The following HFE variants were observed in gnomAD, a reference collection of about 807,000 sequenced individuals.
HFE encodes hereditary hemochromatosis protein.
Under a neutral mutation model 40.9 loss-of-function variants are expected in HFE, and 36 were observed. The ratio of observed to expected loss-of-function variants is 0.88; its 90% CI spans 0.67 to 1.16. The LOEUF (loss-of-function observed/expected upper bound fraction) is 1.16. Among genes scored for constraint, HFE ranks in the 50% most tolerant of loss-of-function variants. HFE has a pLI of 0.00. For missense variants in HFE, 376 were observed against 432.0 expected (o/e 0.87, Z 1.15); for synonymous variants, 157 against 165.4 (o/e 0.95, Z 0.39).
At position 26,090,878 on chromosome 6, in the gene HFE, A is replaced by C; in HGVS notation, c.114A>C (p.Ser38=). ...HSLHYLFMGA[S]EQDLGLSLFE... ...TGCACTACCTCTTCATGGGTGCCTC[A>C]GAGCAGGACCTTGGTCTTTCCTTGT... Residue 38 remains serine (S), a synonymous_variant, in exon 2 of 6, where the codon TCA becomes TCC. Coordinates refer to ENST00000357618, the MANE Select transcript of HFE (RefSeq NM_000410.4). 6.2e-7 allele frequency: 1 copy of C among 1,614,118 alleles called. No homozygotes were observed. Among genetic ancestry groups the C allele is most frequent in the Non-Finnish European group, 8.5e-7 (1 of 1,180,022 alleles).
intron 3 of HFE, 70 bp from the exon 4 acceptor site, chr6:26,092,615 G>A: frequency 6.2e-7 from 1 of 1,613,760 alleles, no homozygotes; most frequent in Non-Finnish European, 8.5e-7. Flanking sequence ...ATAGAAGGAA[G>A]TGAAAGTTCC....
intron 1 of HFE, among the ~76,000 whole-genome samples, chr6:26,089,113 G>GCC (rs1561937956): frequency 7.0e-6 from 1 of 143,512 alleles, no homozygotes. Flanking sequence ...GTGTGTGGGG[G>GCC]GGGGGGGCGG....
intron 5 of HFE, 35 bp downstream of exon 5, chr6:26,093,267 T>G: frequency 2.1e-6 from 3 of 1,441,350 alleles, no homozygotes; most frequent in Non-Finnish European, 2.9e-6. Context: ...TCTTAGTACC[T>G]CTGCCCCAGG....
rs868653998 is a variant in HFE, at chr6:26,089,133, G to A, written c.76+1617G>A. On this transcript the variant is annotated intron_variant, in intron 1 of 5. Coordinates refer to ENST00000357618, the MANE Select transcript of HFE (RefSeq NM_000410.4). ...TGGGGGGGGGGGGCGGCGTGGGGGT[G>A]GGAAGGGGGACTACCATCTGCATGT... Among the ~76,000 whole-genome samples, 18 of 139,994 alleles carry A rather than the reference G, an allele frequency of 1.3e-4. 2 individuals carry two copies. The South Asian group carries it at 4.6e-3, about 35-fold the overall frequency. 91.8% of individuals were successfully genotyped at this position (139,994 alleles called of 152,430 possible).
In HFE at chr6:26,092,899, G is replaced by A. The variant is rs1198056767; in HGVS notation, c.831G>A (p.Glu277=). The A allele has an allele frequency of 6.2e-7, 1 of 1,614,096 alleles. No homozygotes were observed. Among genetic ancestry groups the A allele is most frequent in the Non-Finnish European group, 8.5e-7 (1 of 1,180,046 alleles). ...WITLAVPPGE[E]QRYTCQVEHP... The stretch of plus-strand genomic sequence containing the variant: ...CCTTGGCTGTACCCCCTGGGGAAGA[G>A]CAGAGATATACGTGCCAGGTGGAGC... Residue 277 remains glutamate (E), a synonymous_variant, in exon 4 of 6, where the codon GAG becomes GAA. Coordinates refer to ENST00000357618, the MANE Select transcript of HFE (RefSeq NM_000410.4).
Position 26,096,294 on chromosome 6 carries a change from C to T in HFE, c.*2068C>T, listed in dbSNP as rs892048380. Reference sequence around the variant, plus strand: ...GATTACAGGCGTGCACCACCATGCCCGGCTAATTTTTGTATTTTTAGTAGA... The same window carrying T: ...GATTACAGGCGTGCACCACCATGCCTGGCTAATTTTTGTATTTTTAGTAGA... On this transcript the variant is annotated 3_prime_UTR_variant, in exon 6 of 6. Coordinates refer to ENST00000357618, the MANE Select transcript of HFE (RefSeq NM_000410.4). 11 of 345,166 alleles carry T rather than the reference C, an allele frequency of 3.2e-5. No homozygotes were observed. Among genetic ancestry groups the T allele is most frequent in the South Asian group, 6.6e-5 (3 of 45,316 alleles). 21.4% of individuals were successfully genotyped at this position (345,166 alleles called of 1,614,324 possible). A position where few individuals can be genotyped will look rare whatever the true frequency, so the allele number is the denominator to read the frequency against.
At chr6:26,092,206 G>C (rs1048817914) in intron 3 of HFE, among the ~76,000 whole-genome samples, 1 of 145,862 alleles carries the variant, frequency 6.9e-6, no homozygotes, top group African/African-American at 2.5e-5. Context: ...AGAGAATTCA[G>C]AGATCTCAGC....
In HFE at chr6:26,091,452, C is replaced by G; in HGVS notation, c.479C>G (p.Pro160Arg). Residue 160 changes from proline (P) to arginine (R), a missense_variant, in exon 3 of 6, where the codon CCC (proline) becomes CGC (arginine). Pro to Arg is a moderately radical substitution (Grantham distance 103). This residue lies in a region of HFE where 200 missense variants were observed against 228.5 expected (regional missense o/e 0.88). Coordinates refer to ENST00000357618, the MANE Select transcript of HFE (RefSeq NM_000410.4). ...ACACTGGATTGGAGAGCAGCAGAAC[C>G]CAGGGCCTGGCCCACCAAGCTGGAG... ...PDTLDWRAAE[P>R]RAWPTKLEWE... 6.2e-7 allele frequency: 1 copy of G among 1,614,118 alleles called. No homozygotes were observed. The highest frequency in any genetic ancestry group is 8.5e-7 in the Non-Finnish European group (1 of 1,180,014).
chr6:26,088,680 C>T (rs942320737), intron 1 of HFE, among the ~76,000 whole-genome samples: 1 of 152,186 alleles, frequency 6.6e-6, no homozygotes, highest in Non-Finnish European at 1.5e-5. Context: ...GGTGGCAGAG[C>T]TCATGTCTCC....
chr6:26,090,839 A>C lies in HFE; in HGVS notation c.77-2A>C. The C allele has an allele frequency of 6.2e-7, 1 of 1,613,588 alleles. No homozygotes were observed. The highest frequency in any genetic ancestry group is 8.5e-7 in the Non-Finnish European group (1 of 1,180,022). On this transcript the variant is annotated splice_acceptor_variant, in intron 1 of 5. Transcript: ENST00000357618. LOFTEE classifies it high-confidence loss of function. ...GGTTAAGGCCTGTTGCTCTGTCTCCAGGTTCACACTCTCTGCACTACCTCT... is the reference window on the plus strand; with the variant it reads ...GGTTAAGGCCTGTTGCTCTGTCTCCCGGTTCACACTCTCTGCACTACCTCT...
At position 26,095,689 on chromosome 6, in the gene HFE, T is replaced by C. The variant is rs1763001412; in HGVS notation, c.*1463T>C. ...GGAGATGGCTCTTCTCTTGTCTCAT[T>C]GTGTTTCTTCTGAGTGAGCTTGAAT... On this transcript the variant is annotated 3_prime_UTR_variant, in exon 6 of 6. Transcript: ENST00000357618. The C allele has an allele frequency of 6.6e-6, 1 of 152,198 alleles. No homozygotes were observed. The highest frequency in any genetic ancestry group is 6.5e-5 in the Admixed American group (1 of 15,280). 9.4% of individuals were successfully genotyped at this position (152,198 alleles called of 1,614,324 possible).
At position 26,092,737 on chromosome 6, in the gene HFE, A is replaced by G. The variant is rs1272137037; in HGVS notation, c.669A>G (p.Leu223=). The change falls in exon 4 of 6, where the codon CTA becomes CTG. Residue 223 remains leucine (L), a synonymous_variant. Transcript: ENST00000357618. ...THHVTSSVTT[L]RCRALNYYPQ... ...ATGTGACCTCTTCAGTGACCACTCT[A>G]CGGTGTCGGGCCTTGAACTACTACC... 1.9e-6 allele frequency: 3 copies of G among 1,614,036 alleles called. No individual in the cohort carries two copies. Among genetic ancestry groups the G allele is most frequent in the East Asian group, 2.2e-5 (1 of 44,896 alleles).
Position 26,094,198 on chromosome 6 carries a change from G to T in HFE, c.1019G>T (p.Gly340Val). 6.2e-7 allele frequency: 1 copy of T among 1,613,994 alleles called. No homozygotes were observed. The highest frequency in any genetic ancestry group is 8.5e-7 in the Non-Finnish European group (1 of 1,180,012). ...CTTGTCTCCACAGGAGGAGCCATGG[G>T]GCACTACGTCTTAGCTGAACGTGAG... Reference protein sequence around the residue: ...RKRQGSRGAMGHYVLAERE With the variant: ...RKRQGSRGAMVHYVLAERE The change falls in exon 6 of 6, where the codon GGG becomes GTG. Residue 340 changes from glycine to valine, a missense_variant. Coordinates refer to ENST00000357618, the MANE Select transcript of HFE (RefSeq NM_000410.4).
Position 26,094,562 on chromosome 6 carries a change from C to T in HFE, c.*336C>T, listed in dbSNP as rs1762933461. 1.5e-6 allele frequency: 1 copy of T among 665,826 alleles called. No homozygotes were observed. The highest frequency in any genetic ancestry group is 2.7e-6 in the Non-Finnish European group (1 of 368,994). 41.2% of individuals were successfully genotyped at this position (665,826 alleles called of 1,614,324 possible). ...TTCATTTCCTATTTTTGGAAGAGGA[C>T]TCCTTAAATTTGGGGGACTTACATG... On this transcript the variant is annotated 3_prime_UTR_variant, in exon 6 of 6. Coordinates refer to ENST00000357618, the MANE Select transcript of HFE (RefSeq NM_000410.4).
At chr6:26,092,636 G>A (rs1762802744) in intron 3 of HFE, 49 bp from the exon 4 acceptor site, 1 of 1,613,942 alleles carries the variant, frequency 6.2e-7, no homozygotes, top group Non-Finnish European at 8.5e-7. Context: ...AGTCTTCCTG[G>A]CAAGGGTAAA....
At chr6:26,088,981 T>C (rs1324178696) in intron 1 of HFE, among the ~76,000 whole-genome samples, 1 of 151,954 alleles carries the variant, frequency 6.6e-6, no homozygotes, top group African/African-American at 2.4e-5. Context: ...GGGCTGACAC[T>C]TGAGCAGAGA....
At chr6:26,089,532 C>T (rs1051049674) in intron 1 of HFE, among the ~76,000 whole-genome samples, 1 of 152,210 alleles carries the variant, frequency 6.6e-6, no homozygotes, top group South Asian at 2.1e-4. Context: ...GTTACACAGT[C>T]CAGGCAAGAG....
At position 26,097,913 on chromosome 6, in the gene HFE, AAACT is replaced by A. The variant is rs1763099594; in HGVS notation, c.*3692_*3695del. Reference sequence around the variant, plus strand: ...CCAAATTTTTCATAAACTCAGTTTTAAACTAACTTTTTTTCAAACCACAATCTGA... The same window carrying A: ...CCAAATTTTTCATAAACTCAGTTTTAAACTTTTTTTCAAACCACAATCTGA... On this transcript the variant is annotated 3_prime_UTR_variant, in exon 6 of 6. Transcript: ENST00000357618. The A allele has an allele frequency of 6.6e-6, 1 of 152,254 alleles. No homozygotes were observed. Among genetic ancestry groups the A allele is most frequent in the Non-Finnish European group, 1.5e-5 (1 of 68,036 alleles). 9.4% of individuals were successfully genotyped at this position (152,254 alleles called of 1,614,324 possible).
chr6:26,093,765 G>A (rs1423123412), intron 5 of HFE, among the ~76,000 whole-genome samples: 1 of 151,942 alleles, frequency 6.6e-6, no homozygotes, highest in African/African-American at 2.4e-5. Flanking sequence ...TGGGAGATTA[G>A]AAATAATTAC....
Sources: allele counts gnomAD v4.1 joint callset (sites outside exome capture counted in the v4.1 genomes callset), GRCh38; gene constraint gnomAD v4.1.1; regional missense constraint gnomAD v4.1.1; transcripts MANE v1.5; gene names NCBI Gene and HGNC (gene_info 2026-07-23, HGNC 2026-07-21).